TFB1M: variants seen among roughly 807,000 people sequenced by gnomAD.
TFB1M encodes the protein dimethyladenosine transferase 1, mitochondrial.
In TFB1M, 27 loss-of-function variants were observed where a neutral mutation model predicts 31.1. The observed-to-expected ratio is 0.87, with a 90% CI of 0.64 to 1.20. TFB1M has a LOEUF of 1.20. TFB1M is among the 50% of genes most tolerant of loss of function. TFB1M has a pLI of 0.00. For missense variants in TFB1M, 394 were observed against 418.7 expected (o/e 0.94, Z 0.51); for synonymous variants, 166 against 151.8 (o/e 1.09, Z -0.69).
At chr6:155,269,774 C>G (rs1254158681) in intron 5 of TFB1M, among the ~76,000 whole-genome samples, 1 of 152,198 alleles carries the variant, frequency 6.6e-6, no homozygotes, top group East Asian at 1.9e-4. Flanking sequence ...TCCAAAATTA[C>G]TTAAAATTCT....
chr6:155,272,994 G>C (rs1048528491), intron 5 of TFB1M, among the ~76,000 whole-genome samples: 4 of 152,164 alleles, frequency 2.6e-5, no homozygotes, highest in African/African-American at 9.7e-5. Context: ...GAGAGGGAGA[G>C]AGAAAAGTGA....
Position 155,295,422 on chromosome 6 carries a change from A to G in TFB1M, c.546+1531T>C, listed in dbSNP as rs538195687. Among the ~76,000 whole-genome samples, 109 of 152,290 alleles carry G rather than the reference A, an allele frequency of 7.2e-4. 1 individual carries two copies. Among genetic ancestry groups the G allele is most frequent in the African/African-American group, 2.5e-3 (106 of 41,570 alleles). ...CATCATAGGAATATAAATCTGTGTGATAAGACTATGCAAGGGAATAAATCC... is the reference window on the plus strand; with the variant it reads ...CATCATAGGAATATAAATCTGTGTGGTAAGACTATGCAAGGGAATAAATCC... On this transcript the variant is annotated intron_variant, in intron 4 of 6. Coordinates refer to ENST00000367166, the MANE Select transcript of TFB1M (RefSeq NM_016020.4).
At chr6:155,301,695 A>G (rs978551201) in intron 2 of TFB1M, among the ~76,000 whole-genome samples, 26 of 152,208 alleles carry the variant, frequency 1.7e-4, no homozygotes, top group Non-Finnish European at 5.9e-5. Flanking sequence ...ATGCCAGTTT[A>G]GAGTAAAAGG....
intron 2 of TFB1M, among the ~76,000 whole-genome samples, chr6:155,308,778 T>C (rs1168805942): frequency 6.6e-6 from 1 of 152,202 alleles, no homozygotes; most frequent in Non-Finnish European, 1.5e-5. Flanking sequence ...ATTTTATAAA[T>C]TATTACAATT....
chr6:155,313,989 G>C (rs1582893537), intron 1 of TFB1M: 1 of 746,014 alleles, frequency 1.3e-6, no homozygotes. Flanking sequence ...CAGTGACCCA[G>C]ATTCCAATAT....
chr6:155,269,451 A>C (rs1380126071), intron 5 of TFB1M, among the ~76,000 whole-genome samples: 3 of 151,296 alleles, frequency 2.0e-5, no homozygotes, highest in Non-Finnish European at 4.4e-5. Context: ...CCTCCCGAGA[A>C]GCTGGGGCTA....
intron 5 of TFB1M, among the ~76,000 whole-genome samples, chr6:155,266,508 T>C (rs1002431434): frequency 1.3e-5 from 2 of 152,060 alleles, no homozygotes; most frequent in Admixed American, 6.5e-5. Context: ...CCAGGGGGGA[T>C]GAAAAGCCAG....
At chr6:155,278,024 G>A (rs1049632186) in intron 5 of TFB1M, among the ~76,000 whole-genome samples, 37 of 152,166 alleles carry the variant, frequency 2.4e-4, no homozygotes, top group South Asian at 6.2e-4. Flanking sequence ...GTAGAAACAC[G>A]AATGTTTCAA....
chr6:155,249,781 C>T, the TFB1M span: 4 of 1,317,720 alleles, frequency 3.0e-6, no homozygotes, highest in Non-Finnish European at 4.2e-6. Flanking sequence ...TGACTCCATT[C>T]ATTATTACTG....
chr6:155,236,833 G>A, the TFB1M span, among the ~76,000 whole-genome samples: 5 of 152,124 alleles, frequency 3.3e-5, no homozygotes, highest in Non-Finnish European at 7.3e-5. Context: ...ATCTCCCACT[G>A]GGCCCCTCCC....
the TFB1M span, among the ~76,000 whole-genome samples, chr6:155,231,554 T>C: frequency 0.78 from 118,983 of 152,174 alleles, 46,782 homozygotes; most frequent in Admixed American, 0.85. Flanking sequence ...CCCTTTTCCT[T>C]CTCCACTCCA....
At chr6:155,236,327 G>A in the TFB1M span, among the ~76,000 whole-genome samples, 2 of 151,962 alleles carry the variant, frequency 1.3e-5, no homozygotes, top group Non-Finnish European at 2.9e-5. Flanking sequence ...CAGTTCTCAT[G>A]CAGGCCACAC....
intron 4 of TFB1M, among the ~76,000 whole-genome samples, chr6:155,296,426 ATTT>A (rs71023639): frequency 1.2e-4 from 12 of 103,444 alleles, no homozygotes; most frequent in South Asian, 3.5e-4. Flanking sequence ...CACCCAGCTA[ATTT>A]TTTTTTTTTT....
At chr6:155,283,025 C>T (rs987627566) in intron 5 of TFB1M, among the ~76,000 whole-genome samples, 1 of 152,156 alleles carries the variant, frequency 6.6e-6, no homozygotes, top group African/African-American at 2.4e-5. Flanking sequence ...CTGTGCCCGG[C>T]CCAAGAAAAT....
At chr6:155,271,681 C>T (rs1250064919) in intron 5 of TFB1M, among the ~76,000 whole-genome samples, 1 of 152,196 alleles carries the variant, frequency 6.6e-6, no homozygotes, top group Admixed American at 6.5e-5. Context: ...CAAGGCACGA[C>T]ATTGTTAAAA....
intron 1 of TFB1M, among the ~76,000 whole-genome samples, chr6:155,313,544 T>C (rs1239650531): frequency 2.0e-5 from 3 of 152,162 alleles, no homozygotes; most frequent in African/African-American, 7.2e-5. Context: ...AGAACATCAC[T>C]AAGCAATGGT....
intron 5 of TFB1M, among the ~76,000 whole-genome samples, chr6:155,273,005 G>C (rs927851261): frequency 6.6e-6 from 1 of 152,206 alleles, no homozygotes; most frequent in Non-Finnish European, 1.5e-5. Flanking sequence ...AGAAAAGTGA[G>C]CAAGCAGATG....
the TFB1M span, among the ~76,000 whole-genome samples, chr6:155,241,358 T>C: frequency 6.6e-6 from 1 of 152,190 alleles, no homozygotes; most frequent in Non-Finnish European, 1.5e-5. Flanking sequence ...TTGGTACCAT[T>C]TGAAGCTCGC....
the TFB1M span, among the ~76,000 whole-genome samples, chr6:155,235,007 GGAGCACAGCTAGAGACA>G: frequency 4.2e-5 from 5 of 118,062 alleles, no homozygotes; most frequent in Admixed American, 3.9e-4. Flanking sequence ...AGCTAGAGAT[GGAGCACAGCTAGAGACA>G]GAGCACAGCT....
Sources: allele counts gnomAD v4.1 joint callset (sites outside exome capture counted in the v4.1 genomes callset), GRCh38; gene constraint gnomAD v4.1.1; transcripts MANE v1.5; gene names NCBI Gene and HGNC (gene_info 2026-07-23, HGNC 2026-07-21).